The following CAPN9 variants were observed in gnomAD, a reference collection of about 807,000 sequenced individuals.
CAPN9 encodes the protein calpain-9.
Under a neutral mutation model 92.8 loss-of-function variants are expected in CAPN9, and 81 were observed. That is an observed-to-expected ratio of 0.87 (90% CI 0.73 to 1.05). CAPN9 has a LOEUF of 1.05. Ranked by LOEUF, CAPN9 falls within the 50% of genes least tolerant of loss-of-function variation. CAPN9 has a pLI of 0.00. For synonymous variants in CAPN9, 304 were observed against 328.0 expected (o/e 0.93, Z 0.79); for missense variants, 848 against 866.2 (o/e 0.98, Z 0.26).
In CAPN9 at chr1:230,772,027, G is replaced by A; in HGVS notation, c.803G>A (p.Gly268Asp). 6.2e-7 allele frequency: 1 copy of A among 1,614,150 alleles called. No homozygotes were observed. The highest frequency in any genetic ancestry group is 8.5e-7 in the Non-Finnish European group (1 of 1,180,010). The change falls in exon 7 of 20, where the codon GGC becomes GAC. Residue 268 changes from glycine (G) to aspartate (D), a missense_variant. Coordinates refer to ENST00000271971, the MANE Select transcript of CAPN9 (RefSeq NM_006615.3). Reference protein sequence around the residue: ...VTGIDQVSFRGQRIELIRIRN... With the variant: ...VTGIDQVSFRDQRIELIRIRN... Reference sequence around the variant, plus strand: ...TTTCCCTTCTAGGTAAGCTTCCGAGGCCAGAGAATCGAGCTCATCCGAATC... The same window carrying A: ...TTTCCCTTCTAGGTAAGCTTCCGAGACCAGAGAATCGAGCTCATCCGAATC...
intron 6 of CAPN9, 39 bp downstream of exon 6, chr1:230,769,302 C>T: frequency 4.3e-6 from 6 of 1,395,396 alleles, no homozygotes; most frequent in Non-Finnish European, 6.1e-6. Context: ...TATGGGGAGA[C>T]ATGTGACAAT....
At chr1:230,790,218 G>A (rs1032570282) in intron 14 of CAPN9, 29 bp downstream of exon 14, 1 of 1,613,356 alleles carries the variant, frequency 6.2e-7, no homozygotes. Flanking sequence ...GGGGTCCTGG[G>A]GCACCTATGG....
At chr1:230,751,601 GAAAGAAAGAGAAAGAA>G (rs1485225046) in intron 1 of CAPN9, among the ~76,000 whole-genome samples, 14 of 11,864 alleles carry the variant, frequency 1.2e-3, no homozygotes, top group Non-Finnish European at 1.5e-3. Context: ...AAGAAAGAAA[GAAAGAAAGAGAAAGAA>G]AGAAAGAAAG....
intron 18 of CAPN9, 48 bp downstream of exon 18, chr1:230,795,327 G>A: frequency 2.6e-6 from 3 of 1,137,128 alleles, no homozygotes; most frequent in Non-Finnish European, 4.0e-6. Context: ...GGCATCTTCA[G>A]TCACCCTCCA....
chr1:230,787,531 C>T lies in CAPN9; in HGVS notation c.1528C>T (p.Pro510Ser), dbSNP rs762444881. 1.2e-6 allele frequency: 2 copies of T among 1,613,952 alleles called. No homozygotes were observed. Among genetic ancestry groups the T allele is most frequent in the Non-Finnish European group, 1.7e-6 (2 of 1,179,858 alleles). The change falls in exon 13 of 20, where the codon CCA becomes TCA. Residue 510 changes from proline (P) to serine (S), a missense_variant. Pro to Ser is a moderately conservative substitution (Grantham distance 74). Coordinates refer to ENST00000271971, the MANE Select transcript of CAPN9 (RefSeq NM_006615.3). ...VDIDLPEPPK[P>S]TPPDQETEEE... is the part of the protein sequence containing the mutation. ...TTTGGCTGTTTTTTAGCCTCCAAAGCCAACTCCACCTGACCAGGAGACAGA... is the reference window on the plus strand; with the variant it reads ...TTTGGCTGTTTTTTAGCCTCCAAAGTCAACTCCACCTGACCAGGAGACAGA...
intron 13 of CAPN9, among the ~76,000 whole-genome samples, chr1:230,789,406 G>C (rs1435214316): frequency 1.4e-5 from 2 of 144,542 alleles, no homozygotes; most frequent in South Asian, 2.3e-4. Flanking sequence ...ATGGGAAATT[G>C]AGGCTGCAGT....
In CAPN9 at chr1:230,759,769, C is replaced by G. The variant is rs542536329; in HGVS notation, c.402+139C>G. 21 of 501,896 alleles carry G rather than the reference C, an allele frequency of 4.2e-5. No homozygotes were observed. In the South Asian group the frequency reaches 8.4e-4, roughly 20 times the overall value. 31.1% of individuals were successfully genotyped at this position (501,896 alleles called of 1,614,324 possible). On this transcript the variant is annotated intron_variant, in intron 3 of 19. Coordinates refer to ENST00000271971, the MANE Select transcript of CAPN9 (RefSeq NM_006615.3). ...CATATGGTCCTAAACCATGCTAAAG[C>G]CACATTTTATCATGGAATAACAGCT...
intron 2 of CAPN9, 81 bp downstream of exon 2, chr1:230,755,487 A>AG: frequency 1.9e-6 from 2 of 1,040,698 alleles, no homozygotes; most frequent in Non-Finnish European, 2.9e-6. Flanking sequence ...GGGGTCCCTG[A>AG]GGACCCAAGA....
At chr1:230,765,285 A>C (rs912917915) in intron 4 of CAPN9, among the ~76,000 whole-genome samples, 2 of 150,968 alleles carry the variant, frequency 1.3e-5, no homozygotes, top group African/African-American at 4.9e-5. Flanking sequence ...AAAGGGCACA[A>C]GAGCATACTG....
chr1:230,757,404 G>A (rs1475021169), intron 2 of CAPN9, among the ~76,000 whole-genome samples: 1 of 151,930 alleles, frequency 6.6e-6, no homozygotes, highest in Non-Finnish European at 1.5e-5. Flanking sequence ...CAAAGTTTTG[G>A]TTTGTCACAT....
chr1:230,770,665 A>T (rs3790968), intron 6 of CAPN9, among the ~76,000 whole-genome samples: 10,142 of 152,126 alleles, frequency 0.067, 404 homozygotes, highest in South Asian at 0.13. Context: ...AGGGGAAGAG[A>T]AAGAAAGAAT....
At chr1:230,758,517 T>G (rs1436917581) in intron 2 of CAPN9, among the ~76,000 whole-genome samples, 1 of 152,180 alleles carries the variant, frequency 6.6e-6, no homozygotes, top group Non-Finnish European at 1.5e-5. Flanking sequence ...TGTACTCTGC[T>G]GGTGACACCT....
In CAPN9 at chr1:230,800,231, G is replaced by GA. The variant is rs1275542783; in HGVS notation, c.2047-1337dup. On this transcript the variant is annotated intron_variant, in intron 19 of 19. Transcript: ENST00000271971. ...AAAAGAAAGAAAAATAAGAAAGAAA[G>GA]AAGAAAGAAAGAAAGAAAGAAAGAA... Among the ~76,000 whole-genome samples the GA allele has an allele frequency of 7.7e-3, 396 of 51,520 alleles. 23 individuals are homozygous for GA. The highest frequency in any genetic ancestry group is 0.025 in the African/African-American group (327 of 13,228). 33.8% of individuals were successfully genotyped at this position (51,520 alleles called of 152,430 possible). A position where few individuals can be genotyped will look rare whatever the true frequency, so the allele number is the denominator to read the frequency against.
At chr1:230,775,155 C>T (rs28359669) in intron 8 of CAPN9, among the ~76,000 whole-genome samples, 107 of 152,274 alleles carry the variant, frequency 7.0e-4, no homozygotes, top group Non-Finnish European at 1.3e-3. Flanking sequence ...CCCCAGCTCT[C>T]GGTTTGTTGA....
chr1:230,764,246 A>G (rs1009098765), intron 4 of CAPN9, among the ~76,000 whole-genome samples: 6 of 152,258 alleles, frequency 3.9e-5, no homozygotes, highest in Admixed American at 1.3e-4. Context: ...ACCAATGTGG[A>G]CGAGCATTAT....
intron 13 of CAPN9, 122 bp downstream of exon 13, chr1:230,787,724 C>G (rs953477108): frequency 2.6e-6 from 2 of 783,554 alleles, no homozygotes; most frequent in African/African-American, 3.4e-5. Context: ...GAGCTTGTTG[C>G]AAAGTAAGAC....
intron 1 of CAPN9, among the ~76,000 whole-genome samples, 176 bp downstream of exon 1, chr1:230,747,885 C>G (rs542257436): frequency 6.6e-6 from 1 of 152,148 alleles, no homozygotes; most frequent in Admixed American, 6.5e-5. Flanking sequence ...AATGTACAGG[C>G]CTGGGATGCT....
intron 7 of CAPN9, among the ~76,000 whole-genome samples, chr1:230,772,985 C>T (rs1035126482): frequency 1.3e-4 from 20 of 151,928 alleles, no homozygotes; most frequent in African/African-American, 4.8e-4. Flanking sequence ...TCGTCCGCTG[C>T]TTGTTGGGCT....
chr1:230,796,445 G>T lies in CAPN9; in HGVS notation c.1987+1166G>T, dbSNP rs541419137. Among the ~76,000 whole-genome samples, 11 of 152,196 alleles carry T rather than the reference G, an allele frequency of 7.2e-5. No homozygotes were observed. The South Asian group carries it at 2.3e-3, about 32-fold the overall frequency. ...GGTTATCAGCATGATAGCTCCCTCT[G>T]CTTCTTTGGTAATAGAACACTAATT... On this transcript the variant is annotated intron_variant, in intron 18 of 19. Transcript: ENST00000271971.
Sources: gnomAD v4.1 joint callset for allele counts (sites outside exome capture counted in the v4.1 genomes callset) on GRCh38, gnomAD v4.1.1 for gene constraint, MANE v1.5 for transcripts, NCBI Gene and HGNC (gene_info 2026-07-23, HGNC 2026-07-21) for gene names.